NCOR1: variants seen among roughly 807,000 people sequenced by gnomAD.
The protein encoded by NCOR1 is nuclear receptor corepressor 1.
In NCOR1, 63 loss-of-function variants were observed where a neutral mutation model predicts 288.1. The ratio of observed to expected loss-of-function variants is 0.22; its 90% confidence interval spans 0.18 to 0.27. The LOEUF is 0.27. NCOR1 is among the 10% of genes least tolerant of loss of function. The pLI, the probability that NCOR1 is intolerant of heterozygous loss-of-function variation, is 1.00. For missense variants in NCOR1, 2,397 were observed against 3,019.2 expected (o/e 0.79, Z 4.83); for synonymous variants, 1,007 against 1,065.9 (o/e 0.94, Z 1.08).
intron 22 of NCOR1, among the ~76,000 whole-genome samples, chr17:16,090,449 T>C (rs2064995265): frequency 6.6e-6 from 1 of 152,210 alleles, no homozygotes; most frequent in African/African-American, 2.4e-5. Context: ...TGTCCATTAA[T>C]ACCCTGTAGT....
chr17:16,074,935 TCA>T (rs576776790), intron 27 of NCOR1, among the ~76,000 whole-genome samples: 163 of 152,298 alleles, frequency 1.1e-3, no homozygotes, highest in African/African-American at 3.8e-3. Flanking sequence ...TGGCCCAATC[TCA>T]GCTCACTGCA....
intron 27 of NCOR1, among the ~76,000 whole-genome samples, chr17:16,073,931 A>G (rs892920216): frequency 2.0e-5 from 3 of 152,230 alleles, no homozygotes; most frequent in African/African-American, 7.2e-5. Context: ...CCAGGTTCAG[A>G]TAAGCCTGCT....
At chr17:16,208,175 G>C (rs1398058337) in intron 1 of NCOR1, among the ~76,000 whole-genome samples, 1 of 146,006 alleles carries the variant, frequency 6.8e-6, no homozygotes, top group Non-Finnish European at 1.5e-5. Context: ...TGAGTAGCTG[G>C]GACTACAGGC....
chr17:16,144,391 A>C (rs563515540), intron 10 of NCOR1, among the ~76,000 whole-genome samples: 19 of 152,332 alleles, frequency 1.2e-4, no homozygotes, highest in African/African-American at 4.6e-4. Flanking sequence ...AATTAAATTT[A>C]CTAAGACATA....
rs1418397752 is a variant in NCOR1, at chr17:16,044,185, AAAAG to A, written c.6679+2762_6679+2765del. On this transcript the variant is annotated intron_variant, in intron 42 of 45. Transcript: ENST00000268712. ...CTCCATCTCAAAAAAAAAAAAAAAAAAAAGAAAGAAAGAAAGGCTATCTGTAAGC... is the reference window on the plus strand; with the variant it reads ...CTCCATCTCAAAAAAAAAAAAAAAAAAAAGAAAGAAAGGCTATCTGTAAGC... 1.8e-4 allele frequency among the ~76,000 whole-genome samples: 28 copies of A among 151,476 alleles called. No homozygotes were observed. The East Asian group carries it at 1.9e-3, about 10-fold the overall frequency.
Position 16,071,659 on chromosome 17 carries a change from G to A in NCOR1, c.3902C>T (p.Pro1301Leu), listed in dbSNP as rs753889787. ...VLSGSIMQGTPRATTESFEDG... is the reference protein window; with the variant it reads ...VLSGSIMQGTLRATTESFEDG... Reference sequence around the variant, plus strand: ...TTCAAAGCTTTCAGTTGTTGCTCTTGGTGTCCCTTGAAAAAGAATTCAGGA... The same window carrying A: ...TTCAAAGCTTTCAGTTGTTGCTCTTAGTGTCCCTTGAAAAAGAATTCAGGA... Residue 1301 changes from proline (P) to leucine (L), a missense_variant, in exon 30 of 46, where the codon CCA becomes CTA. Physicochemically the swap from Pro to Leu is moderately conservative, Grantham distance 98. Around this residue, in one of 11 missense-constraint regions of NCOR1, gnomAD observed 1,872 missense variants for 2,187.8 expected, o/e 0.86. Coordinates refer to ENST00000268712, the MANE Select transcript of NCOR1 (RefSeq NM_006311.4). 6.2e-7 allele frequency: 1 copy of A among 1,608,814 alleles called. No individual in the cohort carries two copies. Among genetic ancestry groups the A allele is most frequent in the Non-Finnish European group, 8.5e-7 (1 of 1,177,652 alleles).
chr17:16,190,032 T>C (rs1326047856), intron 2 of NCOR1, among the ~76,000 whole-genome samples: 2 of 152,196 alleles, frequency 1.3e-5, no homozygotes, highest in Non-Finnish European at 2.9e-5. Flanking sequence ...GGTTTTGATA[T>C]CAGCCTGTGC....
intron 4 of NCOR1, among the ~76,000 whole-genome samples, chr17:16,167,043 A>G (rs73280290): frequency 6.6e-6 from 1 of 150,776 alleles, no homozygotes; most frequent in African/African-American, 2.5e-5. Flanking sequence ...ATACATTAAT[A>G]TCATTCTCCC....
At chr17:16,114,684 A>C (rs1448158937) in intron 18 of NCOR1, among the ~76,000 whole-genome samples, 1 of 152,218 alleles carries the variant, frequency 6.6e-6, no homozygotes, top group East Asian at 1.9e-4. Context: ...AAGCTCCAAA[A>C]TGATCTCCTT....
At chr17:16,179,327 ACT>A (rs1326165670) in intron 3 of NCOR1, among the ~76,000 whole-genome samples, 5 of 152,300 alleles carry the variant, frequency 3.3e-5, no homozygotes, top group Middle Eastern at 3.4e-3. Context: ...ATCATAAGGA[ACT>A]ATATGAACCA....
intron 3 of NCOR1, among the ~76,000 whole-genome samples, chr17:16,181,126 T>C (rs1474043278): frequency 6.6e-6 from 1 of 151,506 alleles, no homozygotes; most frequent in Admixed American, 6.6e-5. Flanking sequence ...GCCATTGCAC[T>C]CCAGCTTGGG....
chr17:16,049,192 C>T (rs1050663352), intron 40 of NCOR1: 159 of 409,006 alleles, frequency 3.9e-4, no homozygotes, highest in African/African-American at 3.2e-3. Flanking sequence ...GTGTTACTGC[C>T]ACTTGACCCA....
intron 1 of NCOR1, among the ~76,000 whole-genome samples, chr17:16,210,415 T>A (rs187816609): frequency 2.6e-5 from 4 of 152,276 alleles, no homozygotes. Flanking sequence ...TAATTTAAAC[T>A]ATTTATTTGG....
Position 16,031,622 on chromosome 17 carries a change from T to G in NCOR1, c.*674A>C, listed in dbSNP as rs1972009159. 4.4e-6 allele frequency: 1 copy of G among 225,216 alleles called. No individual in the cohort carries two copies. The highest frequency in any genetic ancestry group is 8.8e-6 in the Non-Finnish European group (1 of 113,154). 14.0% of individuals were successfully genotyped at this position (225,216 alleles called of 1,614,324 possible). A position where few individuals can be genotyped will look rare whatever the true frequency, so the allele number is the denominator to read the frequency against. ...CTAATGAAAAAAAAAAATTAAAGCC[T>G]GCACTGGAAATTTACAATATGGCAG... On this transcript the variant is annotated 3_prime_UTR_variant, in exon 46 of 46. Transcript: ENST00000268712.
intron 40 of NCOR1, among the ~76,000 whole-genome samples, chr17:16,049,795 T>C (rs1232592399): frequency 1.3e-5 from 2 of 152,094 alleles, no homozygotes; most frequent in East Asian, 3.9e-4. Context: ...CCATGTTGGC[T>C]AGGCCTCCTG....
At chr17:16,144,003 C>G (rs545709542) in intron 10 of NCOR1, among the ~76,000 whole-genome samples, 11 of 151,924 alleles carry the variant, frequency 7.2e-5, no homozygotes, top group African/African-American at 2.2e-4. Context: ...CTTTGTATGC[C>G]CTGTAGTAGA....
Position 16,049,249 on chromosome 17 carries a change from C to T in NCOR1, c.6393-261G>A, listed in dbSNP as rs79238715. On this transcript the variant is annotated intron_variant, in intron 40 of 45. Coordinates refer to ENST00000268712, the MANE Select transcript of NCOR1 (RefSeq NM_006311.4). Reference sequence around the variant, plus strand: ...AGTCACGTCATCAGACAGTGCTGCCCGGGCAGCAGCAGTGGCAGAAGCTGC... The same window carrying T: ...AGTCACGTCATCAGACAGTGCTGCCTGGGCAGCAGCAGTGGCAGAAGCTGC... 0.016 allele frequency: 3,848 copies of T among 243,298 alleles called. 162 individuals carry two copies. The highest frequency in any genetic ancestry group is 0.079 in the African/African-American group (3,534 of 44,908). 15.1% of individuals were successfully genotyped at this position (243,298 alleles called of 1,614,324 possible).
chr17:16,044,826 CT>C, intron 42 of NCOR1: 1 of 1,075,544 alleles, frequency 9.3e-7, no homozygotes, highest in Non-Finnish European at 1.4e-6. Flanking sequence ...GGTGGACCTG[CT>C]CCAGCAGCTG....
chr17:16,073,320 T>A, intron 28 of NCOR1, 109 bp downstream of exon 28: 1 of 972,374 alleles, frequency 1.0e-6, no homozygotes, highest in Non-Finnish European at 1.4e-6. Context: ...AATATAAATA[T>A]ACATTTCAGG....
Sources: allele counts gnomAD v4.1 joint callset (sites outside exome capture counted in the v4.1 genomes callset), GRCh38; gene constraint gnomAD v4.1.1; regional missense constraint gnomAD v4.1.1; transcripts MANE v1.5; gene names NCBI Gene and HGNC (gene_info 2026-07-23, HGNC 2026-07-21).